PBX1: variants seen among roughly 807,000 people sequenced by gnomAD.
PBX1 encodes PBX homeobox 1, also known as pre-B-cell leukemia transcription factor 1.
In PBX1, 6 loss-of-function variants were observed where a neutral mutation model predicts 53.4. The observed-to-expected ratio is 0.11, with a 90% confidence interval of 0.06 to 0.22. The LOEUF (loss-of-function observed/expected upper bound fraction) is 0.22, where lower values mean the gene tolerates loss of function less well. PBX1 is among the 10% of genes least tolerant of loss of function. The pLI is 1.00. For synonymous variants in PBX1, 204 were observed against 212.3 expected (o/e 0.96, Z 0.34); for missense variants, 251 against 551.4 (o/e 0.46, Z 5.46).
At chr1:164,716,122 C>G (rs1270421019) in intron 2 of PBX1, among the ~76,000 whole-genome samples, 1 of 152,154 alleles carries the variant, frequency 6.6e-6, no homozygotes, top group East Asian at 1.9e-4. Context: ...TGAATTATGC[C>G]AGCAAGATGT....
At chr1:164,609,862 G>A (rs955756285) in intron 2 of PBX1, among the ~76,000 whole-genome samples, 2 of 152,082 alleles carry the variant, frequency 1.3e-5, no homozygotes, top group Admixed American at 6.5e-5. Context: ...TTAATGTTGG[G>A]GGGGATATGG....
At chr1:164,560,484 A>T (rs1652959028) in intron 1 of PBX1, 1 of 294,638 alleles carries the variant, frequency 3.4e-6, no homozygotes, top group South Asian at 1.6e-4. Context: ...TCCTTACCTA[A>T]TTCAGCGAGT....
intron 2 of PBX1, among the ~76,000 whole-genome samples, chr1:164,761,441 G>A (rs904658408): frequency 6.6e-6 from 1 of 152,096 alleles, no homozygotes; most frequent in African/African-American, 2.4e-5. Context: ...CTTTCATTGG[G>A]ACATTATTCT....
At chr1:164,702,360 T>C (rs1171224869) in intron 2 of PBX1, among the ~76,000 whole-genome samples, 1 of 152,190 alleles carries the variant, frequency 6.6e-6, no homozygotes, top group Non-Finnish European at 1.5e-5. Context: ...TTTTCCAAAG[T>C]CACTGAGATG....
intron 2 of PBX1, among the ~76,000 whole-genome samples, chr1:164,645,067 A>C (rs34355602): frequency 6.6e-6 from 1 of 152,156 alleles, no homozygotes; most frequent in African/African-American, 2.4e-5. Flanking sequence ...TGGGTTTTTA[A>C]TATGAGCAGA....
chr1:164,729,630 A>G (rs190242745), intron 2 of PBX1, among the ~76,000 whole-genome samples: 1 of 152,174 alleles, frequency 6.6e-6, no homozygotes, highest in Admixed American at 6.5e-5. Flanking sequence ...TATGGTAGGT[A>G]TATTATTATC....
chr1:164,717,233 G>A (rs1557963014), intron 2 of PBX1, among the ~76,000 whole-genome samples: 2 of 152,168 alleles, frequency 1.3e-5, no homozygotes, highest in South Asian at 4.1e-4. Flanking sequence ...GAGGCTCAGT[G>A]TTTCACATGG....
intron 2 of PBX1, among the ~76,000 whole-genome samples, chr1:164,766,146 C>A (rs190099098): frequency 2.0e-4 from 31 of 152,234 alleles, no homozygotes; most frequent in Admixed American, 1.8e-3. Flanking sequence ...TGTATGACAT[C>A]ATTCAAGCAC....
At chr1:164,834,640 C>T (rs556294881) in intron 8 of PBX1, among the ~76,000 whole-genome samples, 5 of 152,290 alleles carry the variant, frequency 3.3e-5, no homozygotes, top group East Asian at 3.9e-4. Context: ...CCACTATACC[C>T]GGCCAGCCCT....
intron 2 of PBX1, among the ~76,000 whole-genome samples, chr1:164,788,911 C>T (rs1195815510): frequency 6.6e-6 from 1 of 152,084 alleles, no homozygotes; most frequent in African/African-American, 2.4e-5. Context: ...CATTTAGAAA[C>T]TAAGTCTATT....
chr1:164,751,683 G>A (rs551622311), intron 2 of PBX1, among the ~76,000 whole-genome samples: 6 of 150,850 alleles, frequency 4.0e-5, no homozygotes, highest in Admixed American at 6.6e-5. Flanking sequence ...CTGGGTTCAG[G>A]TGATTCTCCT....
intron 2 of PBX1, among the ~76,000 whole-genome samples, chr1:164,625,737 A>G (rs1376187273): frequency 2.0e-5 from 3 of 151,436 alleles, no homozygotes; most frequent in African/African-American, 7.3e-5. Context: ...TACTAAGTGG[A>G]GATTCTTTCT....
At chr1:164,809,288 C>T (rs1669495560) in intron 5 of PBX1, among the ~76,000 whole-genome samples, 1 of 152,156 alleles carries the variant, frequency 6.6e-6, no homozygotes, top group African/African-American at 2.4e-5. Flanking sequence ...GCAACCTTCA[C>T]TTCCTTCATT....
At position 164,798,049 on chromosome 1, in the gene PBX1, G is replaced by A. The variant is rs547298134; in HGVS notation, c.511-1650G>A. Among the ~76,000 whole-genome samples the A allele has an allele frequency of 6.9e-4, 105 of 152,290 alleles. 3 individuals are homozygous for A. In the South Asian group the frequency reaches 0.021, roughly 31 times the overall value. On this transcript the variant is annotated intron_variant, in intron 3 of 8. Coordinates refer to ENST00000420696, the MANE Select transcript of PBX1 (RefSeq NM_002585.4). ...GTCAGGAATGATTAAAGCCACTTTT[G>A]GGTGAGTTAAATGAAGCACTGAGTA... is the stretch of plus-strand genomic sequence containing the variant.
At chr1:164,877,620 G>A (rs751328834) in intron 2 of PBX1, among the ~76,000 whole-genome samples, 5 of 151,764 alleles carry the variant, frequency 3.3e-5, no homozygotes, top group African/African-American at 7.3e-5. Context: ...CTGAGATCGC[G>A]CCACTGCACT....
At chr1:164,797,399 T>A (rs533581551) in intron 3 of PBX1, among the ~76,000 whole-genome samples, 1 of 152,114 alleles carries the variant, frequency 6.6e-6, no homozygotes, top group African/African-American at 2.4e-5. Flanking sequence ...AGCCCTCCAC[T>A]CTCCATCCTG....
chr1:164,700,614 C>T (rs910766335), intron 2 of PBX1: 1 of 984,158 alleles, frequency 1.0e-6, no homozygotes, highest in South Asian at 4.7e-5. Flanking sequence ...GGTCTAGTTA[C>T]AGTGCATGGT....
chr1:164,819,929 A>C (rs977998372), intron 6 of PBX1, 143 bp from the exon 7 acceptor site: 2 of 614,906 alleles, frequency 3.3e-6, no homozygotes, highest in African/African-American at 3.7e-5. Context: ...CATGCTACTA[A>C]CCAGACTCTG....
chr1:164,799,833 C>T lies in PBX1; in HGVS notation c.645C>T (p.Leu215=), dbSNP rs1668978474. Residue 215 remains leucine (L), a synonymous_variant, in exon 4 of 9, where the codon CTC becomes CTT. Coordinates refer to ENST00000420696, the MANE Select transcript of PBX1 (RefSeq NM_002585.4). ...AGTTCAGCTCCATCCAGATGCAGCTCAAGCAGAGCACGTGCGAGGCGGTGA... is the reference window on the plus strand; with the variant it reads ...AGTTCAGCTCCATCCAGATGCAGCTTAAGCAGAGCACGTGCGAGGCGGTGA... ...HRKFSSIQMQ[L]KQSTCEAVMI... 3 of 1,614,072 alleles carry T rather than the reference C, an allele frequency of 1.9e-6. No homozygotes were observed. The highest frequency in any genetic ancestry group is 1.7e-6 in the Non-Finnish European group (2 of 1,179,968).
Sources: gnomAD v4.1 joint callset for allele counts (sites outside exome capture counted in the v4.1 genomes callset) on GRCh38, gnomAD v4.1.1 for gene constraint, MANE v1.5 for transcripts, NCBI Gene and HGNC (gene_info 2026-07-23, HGNC 2026-07-21) for gene names.